The following NRM variants were observed in gnomAD, a reference collection of about 807,000 sequenced individuals.
The protein encoded by NRM is nuclear rim protein.
Under a neutral mutation model 23.4 loss-of-function variants are expected in NRM, and 19 were observed. That is an observed-to-expected ratio of 0.81 (90% CI 0.57 to 1.19). The LOEUF is 1.19. Among genes scored for constraint, NRM ranks in the 50% most tolerant of loss-of-function variants. The probability of loss-of-function intolerance (pLI) is 0.00; values close to 1 mark genes in which losing one functional copy is unlikely to be tolerated. For synonymous variants in NRM, 140 were observed against 143.5 expected, an observed-to-expected ratio of 0.98 and a Z score of 0.17; for missense variants, 232 against 329.7, an observed-to-expected ratio of 0.70 and a Z score of 2.30.
Position 30,688,713 on chromosome 6 carries a change from A to T in NRM, c.737T>A (p.Leu246Gln). The change falls in exon 4 of 4, where the codon CTA becomes CAA. Residue 246 changes from leucine (L) to glutamine (Q), a missense_variant. Coordinates refer to ENST00000376421, the MANE Select transcript of NRM (RefSeq NM_001384369.1). This position sits in a 1 kb window ranked among gnomAD's most constrained non-coding sequence, Gnocchi z 5.9. ...QQDLRYLRAQLQRKLHLLSRP... is the reference protein window; with the variant it reads ...QQDLRYLRAQQQRKLHLLSRP... The stretch of plus-strand genomic sequence containing the variant: ...AGAGAGCAGGTGGAGTTTTCTTTGT[A>T]GCTGGGCCCGGAGGTAGCGGAGGTC... 1 of 1,613,954 alleles carries T rather than the reference A, an allele frequency of 6.2e-7. No homozygotes were observed. Among genetic ancestry groups the T allele is most frequent in the Non-Finnish European group, 8.5e-7 (1 of 1,179,986 alleles).
In NRM at chr6:30,688,516, G is replaced by A. The variant is rs371254934; in HGVS notation, c.*145C>T. The A allele has an allele frequency of 6.0e-5, 56 of 926,588 alleles. No homozygotes were observed. In the African/African-American group the frequency reaches 7.8e-4, roughly 13 times the overall value. The allele number at this position is 926,588 out of a possible 1,614,324, so 57.4% of individuals were successfully genotyped here. ...AATTTAGGGTATGGAGCTGGACCCAGAGAATAAAGTCTCAAGTAGTAGAAG... is the reference window on the plus strand; with the variant it reads ...AATTTAGGGTATGGAGCTGGACCCAAAGAATAAAGTCTCAAGTAGTAGAAG... On this transcript the variant is annotated 3_prime_UTR_variant, in exon 4 of 4. Transcript: ENST00000376421. This position sits in a 1 kb window ranked among gnomAD's most constrained non-coding sequence, Gnocchi z 5.9.
rs376416191 is a variant in NRM, at chr6:30,689,386, A to G, written c.397T>C (p.Trp133Arg). 4 of 1,565,948 alleles carry G rather than the reference A, an allele frequency of 2.6e-6. No homozygotes were observed. Among genetic ancestry groups the G allele is most frequent in the African/African-American group, 1.4e-5 (1 of 73,624 alleles). The change falls in exon 3 of 4, where the codon TGG (tryptophan) becomes CGG (arginine). Residue 133 changes from tryptophan to arginine, a missense_variant. Coordinates refer to ENST00000376421, the MANE Select transcript of NRM (RefSeq NM_001384369.1). The surrounding 1 kb of genome is among the most constrained non-coding windows in gnomAD (Gnocchi z 4.7). The part of the protein sequence containing the change: ...PVLWEARAEP[W>R]ATWVPLLCFV... ...CAGAGGAGCGGCACCCAGGTGGCCC[A>G]TGGCTCAGCCCGAGCCTCCCACAAC... is the stretch of plus-strand genomic sequence containing the variant.
rs781244748 is a variant in NRM, at chr6:30,690,835, C to T, written c.133+7G>A. On this transcript the variant is annotated splice_region_variant and intron_variant, in intron 1 of 3. Transcript: ENST00000376421. The surrounding 1 kb of genome is among the most constrained non-coding windows in gnomAD (Gnocchi z 5.5). ...CTCCCAGTTCATCCTCGATCCCTCC[C>T]GCTCACCCGGACCACCAGACTCCGG... The T allele has an allele frequency of 2.7e-5, 43 of 1,613,082 alleles. No individual in the cohort carries two copies. The South Asian group carries it at 4.3e-4, about 16-fold the overall frequency.
chr6:30,689,092 C>G lies in NRM; in HGVS notation c.508-150G>C, dbSNP rs1269321854. 2 of 1,123,344 alleles carry G rather than the reference C, an allele frequency of 1.8e-6. No homozygotes were observed. The highest frequency in any genetic ancestry group is 3.2e-5 in the African/African-American group (2 of 63,338). 69.6% of individuals were successfully genotyped at this position (1,123,344 alleles called of 1,614,324 possible). A position where few individuals can be genotyped will look rare whatever the true frequency, so the allele number is the denominator to read the frequency against. On this transcript the variant is annotated intron_variant, in intron 3 of 3. Transcript: ENST00000376421. This position sits in a 1 kb window ranked among gnomAD's most constrained non-coding sequence, Gnocchi z 4.7. The stretch of plus-strand genomic sequence containing the variant: ...GGATCCCTGATCCTGACTTCTGATC[C>G]ATGTACCTTCCCCAGGCCCAGGAGG...
In NRM at chr6:30,689,007, C is replaced by G; in HGVS notation, c.508-65G>C. 6.6e-7 allele frequency: 1 copy of G among 1,511,552 alleles called. No individual in the cohort carries two copies. The highest frequency in any genetic ancestry group is 2.0e-5 in the Admixed American group (1 of 48,914). 93.6% of individuals were successfully genotyped at this position (1,511,552 alleles called of 1,614,324 possible). ...TTTTCTCATCTTGGGCACTTCTTTCCTCCTCTTCCAGGCACCACCCTTCTA... is the reference window on the plus strand; with the variant it reads ...TTTTCTCATCTTGGGCACTTCTTTCGTCCTCTTCCAGGCACCACCCTTCTA... On this transcript the variant is annotated intron_variant, in intron 3 of 3. Coordinates refer to ENST00000376421, the MANE Select transcript of NRM (RefSeq NM_001384369.1). This position sits in a 1 kb window ranked among gnomAD's most constrained non-coding sequence, Gnocchi z 4.7.
Position 30,690,540 on chromosome 6 carries a change from C to T in NRM, c.134-297G>A. On this transcript the variant is annotated intron_variant, in intron 1 of 3. Transcript: ENST00000376421. This position sits in a 1 kb window ranked among gnomAD's most constrained non-coding sequence, Gnocchi z 5.5. ...CCCTCTTACTTCGGTTCTCCAAATG[C>T]TCCTTCTTTTTAACACTCTCCTCTC... The T allele has an allele frequency of 3.2e-6, 5 of 1,539,246 alleles. No homozygotes were observed. The highest frequency in any genetic ancestry group is 2.5e-5 in the East Asian group (1 of 40,304).
At position 30,689,019 on chromosome 6, in the gene NRM, G is replaced by T; in HGVS notation, c.508-77C>A. 6.9e-7 allele frequency: 1 copy of T among 1,458,472 alleles called. No homozygotes were observed. Among genetic ancestry groups the T allele is most frequent in the Non-Finnish European group, 9.2e-7 (1 of 1,086,994 alleles). 90.3% of individuals were successfully genotyped at this position (1,458,472 alleles called of 1,614,324 possible). ...GGGCACTTCTTTCCTCCTCTTCCAG[G>T]CACCACCCTTCTAGAACTCAGGCCC... On this transcript the variant is annotated intron_variant, in intron 3 of 3. Coordinates refer to ENST00000376421, the MANE Select transcript of NRM (RefSeq NM_001384369.1). The surrounding 1 kb of genome is among the most constrained non-coding windows in gnomAD (Gnocchi z 4.7).
Position 30,689,886 on chromosome 6 carries a change from T to C in NRM, c.330+161A>G. 1 of 639,488 alleles carries C rather than the reference T, an allele frequency of 1.6e-6. No homozygotes were observed. The highest frequency in any genetic ancestry group is 2.2e-5 in the South Asian group (1 of 44,946). 39.6% of individuals were successfully genotyped at this position (639,488 alleles called of 1,614,324 possible). On this transcript the variant is annotated intron_variant, in intron 2 of 3. Transcript: ENST00000376421. The surrounding 1 kb of genome is among the most constrained non-coding windows in gnomAD (Gnocchi z 4.7). ...CAAGTACACCCTTCTTGATAAAAAG[T>C]AGGATATGTGCTGTGGAGGAATGGA... is the stretch of plus-strand genomic sequence containing the variant.
In NRM at chr6:30,688,462, G is replaced by A. The variant is rs1771180527; in HGVS notation, c.*199C>T. ...CACTCTTCCTTGCTGGTGAGAAGTG[G>A]ACCTTGGAGTTCAGTGGCTGAAACT... is the stretch of plus-strand genomic sequence containing the variant. On this transcript the variant is annotated 3_prime_UTR_variant, in exon 4 of 4. Coordinates refer to ENST00000376421, the MANE Select transcript of NRM (RefSeq NM_001384369.1). The surrounding 1 kb of genome is among the most constrained non-coding windows in gnomAD (Gnocchi z 5.9). The A allele has an allele frequency of 1.6e-6, 1 of 628,004 alleles. No individual in the cohort carries two copies. Among genetic ancestry groups the A allele is most frequent in the Non-Finnish European group, 2.8e-6 (1 of 362,170 alleles). 38.9% of individuals were successfully genotyped at this position (628,004 alleles called of 1,614,324 possible).
Position 30,689,553 on chromosome 6 carries a change from C to CT in NRM, c.331-102dup. 3.5e-6 allele frequency: 4 copies of CT among 1,153,406 alleles called. No individual in the cohort carries two copies. The highest frequency in any genetic ancestry group is 4.8e-6 in the Non-Finnish European group (4 of 830,280). The allele number at this position is 1,153,406 out of a possible 1,614,324, so 71.4% of individuals were successfully genotyped here. A position where few individuals can be genotyped will look rare whatever the true frequency, so the allele number is the denominator to read the frequency against. The stretch of plus-strand genomic sequence containing the variant: ...CCCCACCACAGGCTAGCCTGCAACT[C>CT]TCCCCCACCTCTCTCCTAAGCATCA... On this transcript the variant is annotated intron_variant, in intron 2 of 3. Transcript: ENST00000376421. The surrounding 1 kb of genome is among the most constrained non-coding windows in gnomAD (Gnocchi z 4.7).
In NRM at chr6:30,690,910, C is replaced by A; in HGVS notation, c.65G>T (p.Gly22Val). 6.2e-7 allele frequency: 1 copy of A among 1,613,096 alleles called. No homozygotes were observed. The highest frequency in any genetic ancestry group is 1.1e-5 in the South Asian group (1 of 91,084). ...GGAGGTAAAGCGCACGAACTCCACTCCGGTGCCAAAGGCCAGGATGAAAGA... is the reference window on the plus strand; with the variant it reads ...GGAGGTAAAGCGCACGAACTCCACTACGGTGCCAAAGGCCAGGATGAAAGA... The part of the protein sequence containing the change: ...LASFILAFGT[G>V]VEFVRFTSLR... The change falls in exon 1 of 4, where the codon GGA becomes GTA. Residue 22 changes from glycine to valine, a missense_variant. Gly to Val is a moderately radical substitution (Grantham distance 109, BLOSUM62 -3). Transcript: ENST00000376421. This position sits in a 1 kb window ranked among gnomAD's most constrained non-coding sequence, Gnocchi z 5.5.
rs1318770639 is a variant in NRM, at chr6:30,690,542, CCTT to C, written c.133+297_133+299del. On this transcript the variant is annotated intron_variant, in intron 1 of 3. Coordinates refer to ENST00000376421, the MANE Select transcript of NRM (RefSeq NM_001384369.1). This position sits in a 1 kb window ranked among gnomAD's most constrained non-coding sequence, Gnocchi z 5.5. ...CTCTTACTTCGGTTCTCCAAATGCT[CCTT>C]CTTTTTAACACTCTCCTCTCAACAG... The C allele has an allele frequency of 1.5e-5, 23 of 1,539,994 alleles. No individual in the cohort carries two copies. The highest frequency in any genetic ancestry group is 1.9e-5 in the Non-Finnish European group (22 of 1,140,808).
chr6:30,691,350 T>C (rs558170008), upstream of NRM: 40 of 174,630 alleles, frequency 2.3e-4, 1 homozygote, highest in South Asian at 5.3e-3. Context: ...CAGAATACAA[T>C]ATACAGAATA....
Position 30,690,326 on chromosome 6 carries a change from C to A in NRM, c.134-83G>T. The stretch of plus-strand genomic sequence containing the variant: ...CCCACCCTCATCTCCTCTTGGATCC[C>A]CAGGCCATGTCCCTTACTGCTTTCA... On this transcript the variant is annotated intron_variant, in intron 1 of 3. Transcript: ENST00000376421. The surrounding 1 kb of genome is among the most constrained non-coding windows in gnomAD (Gnocchi z 5.5). 7.8e-7 allele frequency: 1 copy of A among 1,276,232 alleles called. No homozygotes were observed. Among genetic ancestry groups the A allele is most frequent in the African/African-American group, 1.5e-5 (1 of 66,558 alleles). The allele number at this position is 1,276,232 out of a possible 1,614,324, so 79.1% of individuals were successfully genotyped here.
Position 30,688,247 on chromosome 6 carries a change from C to T in NRM, c.*414G>A, listed in dbSNP as rs1043257164. 2.4e-5 allele frequency: 5 copies of T among 209,608 alleles called. No individual in the cohort carries two copies. Among genetic ancestry groups the T allele is most frequent in the Admixed American group, 1.6e-4 (3 of 19,064 alleles). The allele number at this position is 209,608 out of a possible 1,614,324, so 13.0% of individuals were successfully genotyped here. On this transcript the variant is annotated 3_prime_UTR_variant, in exon 4 of 4. Coordinates refer to ENST00000376421, the MANE Select transcript of NRM (RefSeq NM_001384369.1). The surrounding 1 kb of genome is among the most constrained non-coding windows in gnomAD (Gnocchi z 5.9). ...TGGGGCCTGGAGGGACAGCTATGAC[C>T]GTTGAACTTGCAGACCCTGGTCCAC...
chr6:30,690,846 A>T lies in NRM; in HGVS notation c.129T>A (p.Gly43=). Residue 43 remains glycine (G), a synonymous_variant, in exon 1 of 4, where the codon GGT becomes GGA. Transcript: ENST00000376421. The surrounding 1 kb of genome is among the most constrained non-coding windows in gnomAD (Gnocchi z 5.5). The part of the protein sequence containing the change: ...PLLGGIPESG[G]PDARQGWLAA... ...TCCTCGATCCCTCCCGCTCACCCGG[A>T]CCACCAGACTCCGGGATCCCTCCAA... 6.2e-7 allele frequency: 1 copy of T among 1,612,934 alleles called. No homozygotes were observed. The highest frequency in any genetic ancestry group is 8.5e-7 in the Non-Finnish European group (1 of 1,180,006).
Position 30,689,335 on chromosome 6 carries a change from G to T in NRM, c.448C>A (p.Leu150Ile), listed in dbSNP as rs146569798. 3.8e-5 allele frequency: 59 copies of T among 1,556,148 alleles called. No individual in the cohort carries two copies. The African/African-American group carries it at 6.0e-4, about 16-fold the overall frequency. ...LCFVLHVISW[L>I]LIFSILLVFD... Reference sequence around the variant, plus strand: ...ACGAGAAGGATGCTAAAGATGAGGAGCCAGGAGATGACATGGAGCACAAAG... The same window carrying T: ...ACGAGAAGGATGCTAAAGATGAGGATCCAGGAGATGACATGGAGCACAAAG... Residue 150 changes from leucine to isoleucine, a missense_variant, in exon 3 of 4, where the codon CTC (leucine) becomes ATC (isoleucine). Physicochemically the swap from Leu to Ile is conservative, Grantham distance 5. Coordinates refer to ENST00000376421, the MANE Select transcript of NRM (RefSeq NM_001384369.1). This position sits in a 1 kb window ranked among gnomAD's most constrained non-coding sequence, Gnocchi z 4.7.
rs1200031328 is a variant in NRM at position 30,690,578 on chromosome 6, T to C, written c.133+264A>G. On this transcript the variant is annotated intron_variant, in intron 1 of 3. Transcript: ENST00000376421. The surrounding 1 kb of genome is among the most constrained non-coding windows in gnomAD (Gnocchi z 5.5). ...ACACTCTCCTCTCAACAGTCCTCTC[T>C]ACAAAACACTTTACTTAGAATACTC... 1 of 1,543,120 alleles carries C rather than the reference T, an allele frequency of 6.5e-7. No homozygotes were observed. Among genetic ancestry groups the C allele is most frequent in the Admixed American group, 2.0e-5 (1 of 50,716 alleles).
At position 30,688,288 on chromosome 6, in the gene NRM, G is replaced by GCC; in HGVS notation, c.*371_*372dup. On this transcript the variant is annotated 3_prime_UTR_variant, in exon 4 of 4. Coordinates refer to ENST00000376421, the MANE Select transcript of NRM (RefSeq NM_001384369.1). The surrounding 1 kb of genome is among the most constrained non-coding windows in gnomAD (Gnocchi z 5.9). ...CCTGGTCCACCTTCTTGGAGTGGAAGCCAGCGGTGCAGAAGGGGACCCCTG... is the reference window on the plus strand; with the variant it reads ...CCTGGTCCACCTTCTTGGAGTGGAAGCCCCAGCGGTGCAGAAGGGGACCCCTG... 4.0e-6 allele frequency: 1 copy of GCC among 249,576 alleles called. No homozygotes were observed. The highest frequency in any genetic ancestry group is 6.6e-5 in the South Asian group (1 of 15,252). The allele number at this position is 249,576 out of a possible 1,614,324, so 15.5% of individuals were successfully genotyped here.
Sources: allele counts gnomAD v4.1 joint callset, GRCh38; gene constraint gnomAD v4.1.1; non-coding constraint Gnocchi (gnomAD v3.1); transcripts MANE v1.5; gene names NCBI Gene and HGNC (gene_info 2026-07-23, HGNC 2026-07-21).